MACROD1: variants seen among roughly 807,000 people sequenced by gnomAD.
MACROD1 encodes the protein ADP-ribose glycohydrolase MACROD1.
MACROD1 carries 31 observed loss-of-function variants against 41.4 expected under a neutral mutation model. The ratio of observed to expected loss-of-function variants is 0.75; its 90% CI spans 0.56 to 1.01. The LOEUF is 1.01. MACROD1 is among the 50% of genes least tolerant of loss of function. The pLI, the probability that MACROD1 is intolerant of heterozygous loss-of-function variation, is 0.00. For missense variants in MACROD1, 473 were observed against 460.0 expected, an observed-to-expected ratio of 1.03 and a Z score of -0.26; for synonymous variants, 252 against 203.4, an observed-to-expected ratio of 1.24 and a Z score of -2.03.
At chr11:64,162,978 G>A (rs757833218) in intron 1 of MACROD1, among the ~76,000 whole-genome samples, 6 of 152,024 alleles carry the variant, frequency 3.9e-5, no homozygotes, top group African/African-American at 7.3e-5. Context: ...AAAATTAGCC[G>A]GGCGTGATGG....
chr11:64,073,742 A>G (rs1295728903), intron 3 of MACROD1, among the ~76,000 whole-genome samples: 1 of 152,138 alleles, frequency 6.6e-6, no homozygotes, highest in African/African-American at 2.4e-5. Context: ...TTGGGGAGTA[A>G]AAGCTGGGCC....
chr11:64,028,342 G>T (rs905592774), intron 3 of MACROD1, among the ~76,000 whole-genome samples: 1 of 152,222 alleles, frequency 6.6e-6, no homozygotes, highest in Non-Finnish European at 1.5e-5. Context: ...CCTGGTCCCT[G>T]CCTGCCTGCC....
intron 3 of MACROD1, among the ~76,000 whole-genome samples, chr11:64,056,769 G>A (rs888350028): frequency 2.0e-5 from 3 of 152,186 alleles, no homozygotes; most frequent in Non-Finnish European, 4.4e-5. Flanking sequence ...GTGGGATGGG[G>A]TAGTGCGAAC....
chr11:64,149,592 T>C (rs1346448580), intron 3 of MACROD1, among the ~76,000 whole-genome samples: 1 of 152,214 alleles, frequency 6.6e-6, no homozygotes. Context: ...CCCTTTCTCC[T>C]GGCCCATGTT....
intron 3 of MACROD1, among the ~76,000 whole-genome samples, chr11:64,051,261 CAG>C (rs779109932): frequency 1.3e-5 from 2 of 152,208 alleles, no homozygotes; most frequent in Non-Finnish European, 2.9e-5. Flanking sequence ...GGTGCCCAAT[CAG>C]GGGAGGGGAG....
chr11:64,127,412 A>C (rs1224030788), intron 3 of MACROD1, among the ~76,000 whole-genome samples: 29 of 81,154 alleles, frequency 3.6e-4, no homozygotes, highest in South Asian at 8.8e-4. Context: ...GGCTCAGCCC[A>C]CCCCCTCCCC....
chr11:64,014,470 T>A (rs504314), intron 4 of MACROD1, among the ~76,000 whole-genome samples: 2 of 152,076 alleles, frequency 1.3e-5, no homozygotes, highest in Non-Finnish European at 2.9e-5. Flanking sequence ...GCCTGGGCCC[T>A]GCCACCGCTG....
At chr11:64,027,759 T>C (rs1001468923) in intron 3 of MACROD1, among the ~76,000 whole-genome samples, 11 of 152,052 alleles carry the variant, frequency 7.2e-5, no homozygotes, top group Admixed American at 4.6e-4. Flanking sequence ...CGGCCTACAA[T>C]TTCCGTGGGA....
chr11:64,117,499 C>T (rs201127490), intron 3 of MACROD1: 11 of 1,610,278 alleles, frequency 6.8e-6, no homozygotes, highest in African/African-American at 2.7e-5. Flanking sequence ...TCCCTGTTTA[C>T]CCTCAAGGCC....
At chr11:64,003,278 T>C (rs1258306146) in intron 4 of MACROD1, among the ~76,000 whole-genome samples, 1 of 152,162 alleles carries the variant, frequency 6.6e-6, no homozygotes, top group African/African-American at 2.4e-5. Flanking sequence ...AGTGCAGTGG[T>C]GCAATCTTGG....
chr11:64,131,403 G>A (rs117829504), intron 3 of MACROD1, among the ~76,000 whole-genome samples: 3 of 152,056 alleles, frequency 2.0e-5, no homozygotes, highest in South Asian at 2.1e-4. Flanking sequence ...AGGTGATCTC[G>A]GCAGCTTCCG....
intron 3 of MACROD1, among the ~76,000 whole-genome samples, chr11:64,134,877 T>C (rs534460522): frequency 2.5e-4 from 38 of 152,232 alleles, no homozygotes; most frequent in African/African-American, 7.5e-4. Flanking sequence ...AAGAGAGGAG[T>C]AGAGAAGCAG....
chr11:64,060,667 G>C (rs1327609825), intron 3 of MACROD1: 6 of 148,072 alleles, frequency 4.1e-5, no homozygotes, highest in African/African-American at 5.2e-5. Context: ...GTCTGTCTGC[G>C]CTTCTCTTTA....
At chr11:64,087,707 C>T (rs1374078370) in intron 3 of MACROD1, among the ~76,000 whole-genome samples, 1 of 152,230 alleles carries the variant, frequency 6.6e-6, no homozygotes, top group African/African-American at 2.4e-5. Context: ...ATGCTGCATG[C>T]TTGGCCTGGT....
chr11:64,046,007 C>T (rs1300300557), intron 3 of MACROD1, among the ~76,000 whole-genome samples: 1 of 152,234 alleles, frequency 6.6e-6, no homozygotes, highest in Non-Finnish European at 1.5e-5. Flanking sequence ...ACGTACAGTA[C>T]TGTATCTCAT....
chr11:64,008,745 G>T (rs977516868), intron 4 of MACROD1, among the ~76,000 whole-genome samples: 1 of 152,180 alleles, frequency 6.6e-6, no homozygotes, highest in African/African-American at 2.4e-5. Flanking sequence ...ACACAGGCAG[G>T]CTCGGCTCCT....
intron 3 of MACROD1, among the ~76,000 whole-genome samples, chr11:64,150,805 A>AG (rs1231863343): frequency 6.6e-6 from 1 of 152,198 alleles, no homozygotes; most frequent in African/African-American, 2.4e-5. Flanking sequence ...AGGGCATGGC[A>AG]GGGGACCTCT....
At chr11:64,163,454 C>T (rs941420402) in intron 1 of MACROD1, among the ~76,000 whole-genome samples, 2 of 152,182 alleles carry the variant, frequency 1.3e-5, no homozygotes, top group South Asian at 2.1e-4. Context: ...ACTTCGAAGA[C>T]GAGGTCACAA....
chr11:64,022,867 ATTTTT>A (rs922794608), intron 3 of MACROD1, among the ~76,000 whole-genome samples: 3 of 90,762 alleles, frequency 3.3e-5, no homozygotes, highest in Admixed American at 2.6e-4. Flanking sequence ...TTCCACATGG[ATTTTT>A]TTTTTTTTTT....
Sources: gnomAD v4.1 joint callset for allele counts (sites outside exome capture counted in the v4.1 genomes callset) on GRCh38, gnomAD v4.1.1 for gene constraint, MANE v1.5 for transcripts, NCBI Gene and HGNC (gene_info 2026-07-23, HGNC 2026-07-21) for gene names.